ZC3H3: variants seen among roughly 807,000 people sequenced by gnomAD.
ZC3H3 encodes zinc finger CCCH domain-containing protein 3.
A neutral mutation model predicts 77.3 loss-of-function variants in ZC3H3; 36 were observed. The ratio of observed to expected loss-of-function variants is 0.47; its 90% CI spans 0.36 to 0.61. The LOEUF is 0.61. Among genes scored for constraint, ZC3H3 ranks in the 20% least tolerant of loss-of-function variants. The pLI is 0.00. For synonymous variants in ZC3H3, 626 were observed against 555.2 expected (o/e 1.13, Z -1.79); for missense variants, 1,331 against 1,312.2 (o/e 1.01, Z -0.22).
chr8:143,538,285 G>T lies in ZC3H3; in HGVS notation c.1082C>A (p.Pro361His). The T allele has an allele frequency of 6.2e-7, 1 of 1,612,986 alleles. No homozygotes were observed. The highest frequency in any genetic ancestry group is 8.5e-7 in the Non-Finnish European group (1 of 1,180,036). Residue 361 changes from proline to histidine, a missense_variant, in exon 2 of 12, where the codon CCC becomes CAC. Pro to His is a moderately conservative substitution (Grantham distance 77). This residue lies in a region of ZC3H3 where 978 missense variants were observed against 915.5 expected (regional missense o/e 1.07). Coordinates refer to ENST00000262577, the MANE Select transcript of ZC3H3 (RefSeq NM_015117.3). ...CTTGGAGGACGTGGCTGGCTTCCTGGGCTTGGGCTCTGGGTCAGCTATGAG... is the reference window on the plus strand; with the variant it reads ...CTTGGAGGACGTGGCTGGCTTCCTGTGCTTGGGCTCTGGGTCAGCTATGAG... Reference protein sequence around the residue: ...PQLIADPEPKPRKPATSSKPG... With the variant: ...PQLIADPEPKHRKPATSSKPG...
intron 4 of ZC3H3, among the ~76,000 whole-genome samples, chr8:143,500,564 G>A (rs995469750): frequency 6.6e-6 from 1 of 152,234 alleles, no homozygotes; most frequent in Non-Finnish European, 1.5e-5. Context: ...CATTTATACA[G>A]AAAACAAGTG....
intron 9 of ZC3H3, among the ~76,000 whole-genome samples, chr8:143,445,347 G>T (rs1819838977): frequency 6.8e-6 from 1 of 147,266 alleles, no homozygotes; most frequent in Non-Finnish European, 1.5e-5. Flanking sequence ...CACCATTGTA[G>T]TCCAGCCTGG....
At chr8:143,523,895 G>C (rs917756204) in intron 3 of ZC3H3, among the ~76,000 whole-genome samples, 2 of 152,244 alleles carry the variant, frequency 1.3e-5, no homozygotes, top group Non-Finnish European at 2.9e-5. Flanking sequence ...GGCTGGGGGC[G>C]GGTGAAGGAC....
chr8:143,490,138 G>C (rs1166830673), intron 4 of ZC3H3, among the ~76,000 whole-genome samples: 1 of 152,216 alleles, frequency 6.6e-6, no homozygotes, highest in Non-Finnish European at 1.5e-5. Context: ...GGGGTGAAGG[G>C]GGCCATGAGG....
At chr8:143,455,411 G>A (rs935518894) in intron 9 of ZC3H3, among the ~76,000 whole-genome samples, 6 of 151,992 alleles carry the variant, frequency 3.9e-5, no homozygotes, top group African/African-American at 9.7e-5. Flanking sequence ...CAGGAGAATC[G>A]CTTGAACCCG....
At chr8:143,502,049 C>G (rs1000886382) in intron 4 of ZC3H3, among the ~76,000 whole-genome samples, 14 of 152,218 alleles carry the variant, frequency 9.2e-5, no homozygotes, top group African/African-American at 3.4e-4. Context: ...TGCACACGCA[C>G]TCACCACGCT....
intron 8 of ZC3H3, among the ~76,000 whole-genome samples, chr8:143,467,031 C>T (rs1820426909): frequency 6.6e-6 from 1 of 151,946 alleles, no homozygotes; most frequent in Admixed American, 6.6e-5. Flanking sequence ...AGGGAGAAGG[C>T]AAAGAAACAA....
At chr8:143,513,076 G>A (rs542554382) in intron 3 of ZC3H3, among the ~76,000 whole-genome samples, 2 of 152,162 alleles carry the variant, frequency 1.3e-5, no homozygotes, top group Admixed American at 6.5e-5. Flanking sequence ...GGCGGGGGGC[G>A]TGGGAGGAGA....
intron 3 of ZC3H3, among the ~76,000 whole-genome samples, chr8:143,534,591 G>A (rs1563886350): frequency 6.6e-6 from 1 of 152,094 alleles, no homozygotes; most frequent in Non-Finnish European, 1.5e-5. Flanking sequence ...GCAAGCCTTG[G>A]CCTCCTAGGG....
At chr8:143,540,165 T>C (rs563457716) in intron 1 of ZC3H3, among the ~76,000 whole-genome samples, 2 of 152,380 alleles carry the variant, frequency 1.3e-5, no homozygotes, top group African/African-American at 4.8e-5. Flanking sequence ...TCCCAATCCT[T>C]AAGTCTTCCC....
At chr8:143,441,227 A>C in intron 9 of ZC3H3, 107 bp from the exon 10 acceptor site, 1 of 1,190,248 alleles carries the variant, frequency 8.4e-7, no homozygotes, top group Non-Finnish European at 1.1e-6. Flanking sequence ...ACGGGGCCCC[A>C]TAGGCTCCGT....
rs58098165 is a variant in ZC3H3 at position 143,522,925 on chromosome 8, A to T, written c.1561+13332T>A. Among the ~76,000 whole-genome samples the T allele has an allele frequency of 2.9e-3, 445 of 151,720 alleles. 1 individual carries two copies. The highest frequency in any genetic ancestry group is 5.6e-3 in the South Asian group (27 of 4,806). ...ACAGAGCAAGACCCTGTCTCAAAAAAATATATATATATATTGCCCTTTGAT... is the reference window on the plus strand; with the variant it reads ...ACAGAGCAAGACCCTGTCTCAAAAATATATATATATATATTGCCCTTTGAT... On this transcript the variant is annotated intron_variant, in intron 3 of 11. Transcript: ENST00000262577.
chr8:143,532,732 TAGGCAGGC>T (rs564448254), intron 3 of ZC3H3, among the ~76,000 whole-genome samples: 1 of 152,192 alleles, frequency 6.6e-6, no homozygotes, highest in Non-Finnish European at 1.5e-5. Flanking sequence ...CCTCAGTTCC[TAGGCAGGC>T]AGGCAGGCAT....
Position 143,475,379 on chromosome 8 carries a change from C to T in ZC3H3, c.1903+19G>A. 6.2e-7 allele frequency: 1 copy of T among 1,607,268 alleles called. No individual in the cohort carries two copies. The highest frequency in any genetic ancestry group is 8.5e-7 in the Non-Finnish European group (1 of 1,176,662). On this transcript the variant is annotated intron_variant, in intron 5 of 11. Transcript: ENST00000262577. ...GCCGGTCGGTGTCATCTCCCAGCGC[C>T]CCCGCCCTCACCTCTCACCTGTGCG...
At chr8:143,527,831 C>A (rs754321588) in intron 3 of ZC3H3, among the ~76,000 whole-genome samples, 3 of 152,196 alleles carry the variant, frequency 2.0e-5, no homozygotes, top group Non-Finnish European at 2.9e-5. Context: ...GGCCAAAGCA[C>A]CCAAAGGCAC....
chr8:143,463,514 A>T (rs1297406760), intron 9 of ZC3H3, among the ~76,000 whole-genome samples: 1 of 151,776 alleles, frequency 6.6e-6, no homozygotes, highest in African/African-American at 2.4e-5. Context: ...AGGAGGGAAA[A>T]CTCTTCCGTT....
chr8:143,463,676 C>T (rs552118495), intron 9 of ZC3H3, among the ~76,000 whole-genome samples: 6 of 152,182 alleles, frequency 3.9e-5, no homozygotes, highest in Non-Finnish European at 2.9e-5. Flanking sequence ...ATGGAGCGAG[C>T]GCCTGAGGCA....
intron 1 of ZC3H3, among the ~76,000 whole-genome samples, chr8:143,540,114 A>G (rs114746055): frequency 1.7e-3 from 263 of 152,392 alleles, no homozygotes; most frequent in African/African-American, 6.0e-3. Context: ...AGTGTCCCCA[A>G]GTGGGAGGCA....
chr8:143,524,963 G>T (rs917399956), intron 3 of ZC3H3, among the ~76,000 whole-genome samples: 1 of 117,970 alleles, frequency 8.5e-6, no homozygotes, highest in Non-Finnish European at 1.9e-5. Flanking sequence ...CCGAGACCAG[G>T]GCTCTGTAAT....
Sources: allele counts gnomAD v4.1 joint callset (sites outside exome capture counted in the v4.1 genomes callset), GRCh38; gene constraint gnomAD v4.1.1; regional missense constraint gnomAD v4.1.1; transcripts MANE v1.5; gene names NCBI Gene and HGNC (gene_info 2026-07-23, HGNC 2026-07-21).